Variants in NKAIN2 observed in about 807,000 individuals in gnomAD.
The protein encoded by NKAIN2 is sodium/potassium-transporting ATPase subunit beta-1-interacting protein 2.
In NKAIN2, 14 loss-of-function variants were observed where a neutral mutation model predicts 32.6. The observed-to-expected ratio is 0.43, with a 90% CI of 0.28 to 0.67. The LOEUF is 0.67. Ranked by LOEUF, NKAIN2 falls within the 30% of genes least tolerant of loss-of-function variation. The pLI is 0.17. For missense variants in NKAIN2, 198 were observed against 258.3 expected, an observed-to-expected ratio of 0.77 and a Z score of 1.60; for synonymous variants, 80 against 87.2, an observed-to-expected ratio of 0.92 and a Z score of 0.46.
chr6:123,834,322 T>A (rs1039776094), intron 1 of NKAIN2, among the ~76,000 whole-genome samples: 4 of 151,858 alleles, frequency 2.6e-5, no homozygotes, highest in African/African-American at 9.7e-5. Flanking sequence ...GCCTTGTTAA[T>A]TTTTGTATTT....
chr6:123,972,511 T>C (rs1047644401), intron 1 of NKAIN2, among the ~76,000 whole-genome samples: 1 of 152,334 alleles, frequency 6.6e-6, no homozygotes. Context: ...CTGCCACTTA[T>C]TCCAGTGTCT....
At chr6:124,573,577 T>G (rs535619100) in intron 3 of NKAIN2, among the ~76,000 whole-genome samples, 9 of 152,294 alleles carry the variant, frequency 5.9e-5, no homozygotes, top group African/African-American at 2.2e-4. Context: ...GCAAACCTGC[T>G]CATAATTTTC....
intron 3 of NKAIN2, among the ~76,000 whole-genome samples, chr6:124,410,191 C>T (rs1200195057): frequency 2.0e-5 from 3 of 152,102 alleles, no homozygotes; most frequent in African/African-American, 4.8e-5. Context: ...GTCTCTCTCT[C>T]CTTCAGTTCT....
At chr6:124,505,586 G>C (rs1778444493) in intron 3 of NKAIN2, among the ~76,000 whole-genome samples, 2 of 152,064 alleles carry the variant, frequency 1.3e-5, no homozygotes, top group South Asian at 2.1e-4. Flanking sequence ...TATGTTCGAA[G>C]GTCAGTACAA....
chr6:123,907,274 A>AT (rs1177015078), intron 1 of NKAIN2, among the ~76,000 whole-genome samples: 2 of 152,188 alleles, frequency 1.3e-5, no homozygotes, highest in African/African-American at 2.4e-5. Flanking sequence ...TTTCCTATAT[A>AT]TTTTTTCAGA....
chr6:124,401,251 C>G (rs1773611523), intron 3 of NKAIN2, among the ~76,000 whole-genome samples: 1 of 152,056 alleles, frequency 6.6e-6, no homozygotes, highest in Non-Finnish European at 1.5e-5. Context: ...ATGGGTACTT[C>G]TAATTTAGAC....
In NKAIN2 at chr6:123,936,264, G is replaced by C. The variant is rs572085021; in HGVS notation, c.54+132010G>C. On this transcript the variant is annotated intron_variant, in intron 1 of 6. Transcript: ENST00000368417. ...GAACATGCATTATAGGAAAAGAGAA[G>C]AGAGCAGCTGTGGAACTCGGTCTAA... 7.9e-5 allele frequency among the ~76,000 whole-genome samples: 12 copies of C among 152,306 alleles called. No homozygotes were observed. The East Asian group carries it at 2.3e-3, about 29-fold the overall frequency.
At chr6:124,807,441 C>T (rs550094214) in intron 5 of NKAIN2, among the ~76,000 whole-genome samples, 5,670 of 150,690 alleles carry the variant, frequency 0.038, 94 homozygotes, top group Middle Eastern at 0.093. Context: ...TTGAAACCAA[C>T]GAGAACAAAG....
In NKAIN2 at chr6:123,843,910, C is replaced by T. The variant is rs1014031079; in HGVS notation, c.54+39656C>T. On this transcript the variant is annotated intron_variant, in intron 1 of 6. Transcript: ENST00000368417. Reference sequence around the variant, plus strand: ...ATAGGTGATAGCCTGTGACAAAGTCCGGGCATGATTTTGACCTCGATCTCT... The same window carrying T: ...ATAGGTGATAGCCTGTGACAAAGTCTGGGCATGATTTTGACCTCGATCTCT... Among the ~76,000 whole-genome samples, 6 of 152,078 alleles carry T rather than the reference C, an allele frequency of 3.9e-5. No individual in the cohort carries two copies. The South Asian group carries it at 6.2e-4, about 16-fold the overall frequency.
chr6:123,981,432 G>C (rs1011572155), intron 1 of NKAIN2, among the ~76,000 whole-genome samples: 7 of 152,154 alleles, frequency 4.6e-5, no homozygotes, highest in African/African-American at 1.4e-4. Context: ...GGGAGTTCTT[G>C]TACATCTGCA....
intron 1 of NKAIN2, among the ~76,000 whole-genome samples, chr6:124,071,471 A>C (rs1200780875): frequency 2.6e-5 from 4 of 152,200 alleles, no homozygotes; most frequent in African/African-American, 9.6e-5. Flanking sequence ...AAAAATTGAC[A>C]AGTGGGACCT....
At chr6:124,434,406 T>C (rs1211356726) in intron 3 of NKAIN2, among the ~76,000 whole-genome samples, 1 of 152,108 alleles carries the variant, frequency 6.6e-6, no homozygotes, top group East Asian at 1.9e-4. Context: ...GTTTAGTATT[T>C]AGTATTTATG....
Position 124,824,634 on chromosome 6 carries a change from C to T in NKAIN2, c.*1405C>T, listed in dbSNP as rs1044180052. On this transcript the variant is annotated 3_prime_UTR_variant, in exon 7 of 7. Transcript: ENST00000368417. ...GAAAACATAATTAGCTCAGGCTTAT[C>T]AGGAACTCAGATGAGTCATATTTTT... is the stretch of plus-strand genomic sequence containing the variant. 1.7e-4 allele frequency: 26 copies of T among 152,174 alleles called. No individual in the cohort carries two copies. Among genetic ancestry groups the T allele is most frequent in the Non-Finnish European group, 3.2e-4 (22 of 68,036 alleles). 9.4% of individuals were successfully genotyped at this position (152,174 alleles called of 1,614,324 possible). A position where few individuals can be genotyped will look rare whatever the true frequency, so the allele number is the denominator to read the frequency against.
At chr6:124,707,952 T>C (rs2114591628) in intron 4 of NKAIN2, among the ~76,000 whole-genome samples, 1 of 151,184 alleles carries the variant, frequency 6.6e-6, no homozygotes, top group Admixed American at 6.6e-5. Context: ...CTAGGTTTTC[T>C]TCTAGGGTTT....
intron 3 of NKAIN2, among the ~76,000 whole-genome samples, chr6:124,573,667 C>G (rs754579147): frequency 4.6e-5 from 7 of 151,862 alleles, no homozygotes; most frequent in African/African-American, 1.7e-4. Context: ...GTAGCGCAGC[C>G]CCCACTTTCA....
At chr6:124,276,005 T>C (rs1475516853) in intron 1 of NKAIN2, among the ~76,000 whole-genome samples, 1 of 151,976 alleles carries the variant, frequency 6.6e-6, no homozygotes, top group Non-Finnish European at 1.5e-5. Flanking sequence ...CACATAGTGG[T>C]TAGAATTCAA....
intron 4 of NKAIN2, among the ~76,000 whole-genome samples, chr6:124,786,608 T>C (rs1288172514): frequency 6.6e-6 from 1 of 151,970 alleles, no homozygotes; most frequent in African/African-American, 2.4e-5. Flanking sequence ...AGTGATAATA[T>C]CAAGATGACA....
intron 1 of NKAIN2, among the ~76,000 whole-genome samples, chr6:124,224,558 CAAA>C (rs1792008557): frequency 6.6e-6 from 1 of 152,002 alleles, no homozygotes; most frequent in Non-Finnish European, 1.5e-5. Context: ...CTGTTCTGGA[CAAA>C]AATCATTACA....
intron 1 of NKAIN2, among the ~76,000 whole-genome samples, chr6:124,101,488 G>T (rs940265250): frequency 6.6e-6 from 1 of 152,096 alleles, no homozygotes; most frequent in East Asian, 1.9e-4. Flanking sequence ...AGAATGTCAG[G>T]AGTATCAGTT....
Sources: gnomAD v4.1 joint callset for allele counts (sites outside exome capture counted in the v4.1 genomes callset) on GRCh38, gnomAD v4.1.1 for gene constraint, MANE v1.5 for transcripts, NCBI Gene and HGNC (gene_info 2026-07-23, HGNC 2026-07-21) for gene names.